PSD3: variants seen among roughly 807,000 people sequenced by gnomAD.
PSD3 encodes the protein pleckstrin and Sec7 domain containing 3.
A neutral mutation model predicts 105.5 loss-of-function variants in PSD3; 49 were observed. The ratio of observed to expected loss-of-function variants is 0.46; its 90% CI spans 0.37 to 0.59. The LOEUF (loss-of-function observed/expected upper bound fraction) is 0.59. Among genes scored for constraint, PSD3 ranks in the 20% least tolerant of loss-of-function variants. PSD3 has a pLI of 0.00. For synonymous variants in PSD3, 557 were observed against 457.8 expected (o/e 1.22, Z -2.77); for missense variants, 1,561 against 1,263.8 (o/e 1.24, Z -3.57).
intron 9 of PSD3, among the ~76,000 whole-genome samples, chr8:18,701,055 C>A (rs919107126): frequency 6.6e-6 from 1 of 152,064 alleles, no homozygotes; most frequent in Non-Finnish European, 1.5e-5. Context: ...TAGCCTCAAC[C>A]TCCTGGCTTA....
In PSD3 at chr8:18,534,347, G is replaced by T. The variant is rs373706556; in HGVS notation, c.*1396C>A. 9.2e-5 allele frequency: 14 copies of T among 152,662 alleles called. No homozygotes were observed. In the East Asian group the frequency reaches 1.9e-3, roughly 21 times the overall value. The allele number at this position is 152,662 out of a possible 1,614,324, so 9.5% of individuals were successfully genotyped here. ...AAATCACAAAGCTCTAGGTCTCAGT[G>T]GGCTAAACTTTCACTCCTTTCTCTT... On this transcript the variant is annotated 3_prime_UTR_variant, in exon 16 of 16. Transcript: ENST00000327040.
At chr8:19,053,217 C>G (rs1168077997) in intron 1 of PSD3, among the ~76,000 whole-genome samples, 1 of 152,214 alleles carries the variant, frequency 6.6e-6, no homozygotes. Flanking sequence ...CAGGGGATGA[C>G]TGGAGTAACG....
chr8:18,881,697 G>A (rs936173209), intron 2 of PSD3, among the ~76,000 whole-genome samples: 1 of 152,130 alleles, frequency 6.6e-6, no homozygotes, highest in Non-Finnish European at 1.5e-5. Context: ...ATATTTTCTA[G>A]AACCTGGGAT....
intron 9 of PSD3, among the ~76,000 whole-genome samples, chr8:18,725,565 TTG>T (rs1305834174): frequency 6.6e-6 from 1 of 152,108 alleles, no homozygotes; most frequent in African/African-American, 2.4e-5. Context: ...TTCCCCTCTT[TTG>T]AGAGACGGGG....
At position 18,531,422 on chromosome 8, in the gene PSD3, T is replaced by C. The variant is rs1190757380; in HGVS notation, c.*4321A>G. On this transcript the variant is annotated 3_prime_UTR_variant, in exon 16 of 16. Coordinates refer to ENST00000327040, the MANE Select transcript of PSD3 (RefSeq NM_015310.4). ...CCTTTGGATTTCAGTCCTTCCTTTA[T>C]GGATGAGAGATGGAAAAGGAATCTG... 1.3e-5 allele frequency: 2 copies of C among 152,494 alleles called. No homozygotes were observed. The highest frequency in any genetic ancestry group is 2.9e-5 in the Non-Finnish European group (2 of 68,044). The allele number at this position is 152,494 out of a possible 1,614,324, so 9.4% of individuals were successfully genotyped here. A position where few individuals can be genotyped will look rare whatever the true frequency, so the allele number is the denominator to read the frequency against.
chr8:18,814,982 T>A (rs1337834129), intron 4 of PSD3, among the ~76,000 whole-genome samples: 4 of 152,208 alleles, frequency 2.6e-5, no homozygotes, highest in Non-Finnish European at 1.5e-5. Flanking sequence ...GTTTGTTTAG[T>A]GTTTATGTTA....
chr8:18,778,416 A>G (rs1808296912), intron 8 of PSD3, among the ~76,000 whole-genome samples: 1 of 152,164 alleles, frequency 6.6e-6, no homozygotes, highest in Admixed American at 6.5e-5. Context: ...TGAAGAAAGG[A>G]CAATTTGAAT....
At chr8:18,942,928 G>A (rs1822642215) in intron 1 of PSD3, among the ~76,000 whole-genome samples, 1 of 152,188 alleles carries the variant, frequency 6.6e-6, no homozygotes, top group African/African-American at 2.4e-5. Flanking sequence ...CTTTTAATAA[G>A]CAAAAGGGTC....
chr8:18,552,093 A>C (rs920010547), intron 15 of PSD3, among the ~76,000 whole-genome samples: 7 of 152,246 alleles, frequency 4.6e-5, no homozygotes, highest in African/African-American at 1.7e-4. Flanking sequence ...CGTTGACATT[A>C]GGTGGGCTGG....
chr8:18,900,682 GCT>G (rs1354263812), intron 2 of PSD3, among the ~76,000 whole-genome samples: 10 of 115,986 alleles, frequency 8.6e-5, no homozygotes, highest in African/African-American at 3.4e-4. Flanking sequence ...ACAGGGTCTT[GCT>G]CTGTCACTCA....
At chr8:18,676,483 C>G (rs919747882) in intron 9 of PSD3, among the ~76,000 whole-genome samples, 4 of 152,180 alleles carry the variant, frequency 2.6e-5, no homozygotes, top group Non-Finnish European at 4.4e-5. Context: ...AAGAGCCATT[C>G]TCTCTGCTCT....
rs1461398226 is a variant in PSD3, at chr8:19,013,649, G to A, written c.-66C>T. On this transcript the variant is annotated 5_prime_UTR_variant, in exon 1 of 16. Coordinates refer to ENST00000327040, the MANE Select transcript of PSD3 (RefSeq NM_015310.4). ...GGCGCTCCGGGGCCGCAGCCTCAGG[G>A]CGCGAGTGCCGGCGGCCAGCGCCGC... The A allele has an allele frequency of 7.2e-6, 9 of 1,245,128 alleles. No individual in the cohort carries two copies. Among genetic ancestry groups the A allele is most frequent in the Non-Finnish European group, 9.0e-6 (9 of 998,014 alleles). 77.1% of individuals were successfully genotyped at this position (1,245,128 alleles called of 1,614,324 possible).
At chr8:18,885,117 T>G (rs1207664320) in intron 2 of PSD3, among the ~76,000 whole-genome samples, 1 of 152,184 alleles carries the variant, frequency 6.6e-6, no homozygotes, top group Non-Finnish European at 1.5e-5. Context: ...TAACTTCTGG[T>G]TTTTTATATC....
chr8:18,855,569 C>T (rs897144623), intron 4 of PSD3, among the ~76,000 whole-genome samples: 3 of 152,162 alleles, frequency 2.0e-5, no homozygotes, highest in African/African-American at 7.2e-5. Context: ...TCTAGAAATA[C>T]AGGTATGTCC....
intron 8 of PSD3, among the ~76,000 whole-genome samples, chr8:18,780,086 T>C (rs1808461872): frequency 6.6e-6 from 1 of 152,224 alleles, no homozygotes; most frequent in African/African-American, 2.4e-5. Context: ...ATGTTTGCTT[T>C]CTATATCTGC....
intron 1 of PSD3, among the ~76,000 whole-genome samples, chr8:19,059,133 A>G (rs1257083034): frequency 2.6e-5 from 4 of 152,208 alleles, no homozygotes; most frequent in Non-Finnish European, 4.4e-5. Flanking sequence ...TAGCAGAGAC[A>G]TGAAAAGCAG....
At chr8:18,895,800 T>C (rs12547211) in intron 2 of PSD3, among the ~76,000 whole-genome samples, 7,156 of 152,312 alleles carry the variant, frequency 0.047, 205 homozygotes, top group South Asian at 0.081. Flanking sequence ...TTCTTTGTGT[T>C]GAAAACATTA....
intron 4 of PSD3, among the ~76,000 whole-genome samples, chr8:18,863,172 C>T (rs753141996): frequency 6.6e-6 from 1 of 152,188 alleles, no homozygotes; most frequent in Non-Finnish European, 1.5e-5. Context: ...TCTTTTTCTC[C>T]TGTCCAAACC....
At chr8:18,806,378 C>T (rs1481455706) in intron 4 of PSD3, among the ~76,000 whole-genome samples, 4 of 152,170 alleles carry the variant, frequency 2.6e-5, no homozygotes, top group Admixed American at 1.3e-4. Context: ...TTGAGAACTC[C>T]GCCCTAGAAA....
Sources: gnomAD v4.1 joint callset for allele counts (sites outside exome capture counted in the v4.1 genomes callset) on GRCh38, gnomAD v4.1.1 for gene constraint, MANE v1.5 for transcripts, NCBI Gene and HGNC (gene_info 2026-07-23, HGNC 2026-07-21) for gene names.